The following TET2 variants were observed in gnomAD, a reference collection of about 807,000 sequenced individuals.
TET2 encodes the protein methylcytosine dioxygenase TET2.
Under a neutral mutation model 142.9 loss-of-function variants are expected in TET2, and 299 were observed. The observed-to-expected ratio is 2.09, with a 90% CI of 1.90 to 2.30. The LOEUF is 2.30. Among genes scored for constraint, TET2 ranks in the 30% most tolerant of loss-of-function variants. The pLI is 0.00. For synonymous variants in TET2, 819 were observed against 849.0 expected, an observed-to-expected ratio of 0.96 and a Z score of 0.61; for missense variants, 2,418 against 2,378.0, an observed-to-expected ratio of 1.02 and a Z score of -0.35.
intron 1 of TET2, among the ~76,000 whole-genome samples, chr4:105,166,608 CAGAAAAAAAA>C (rs1051640642): frequency 1.5e-4 from 22 of 147,300 alleles, no homozygotes; most frequent in Non-Finnish European, 3.0e-4. Context: ...TTTCTTCTTA[CAGAAAAAAAA>C]AGAAAAAAAA....
intron 1 of TET2, among the ~76,000 whole-genome samples, chr4:105,151,376 A>T (rs1216215949): frequency 6.6e-6 from 1 of 152,106 alleles, no homozygotes; most frequent in Non-Finnish European, 1.5e-5. Context: ...ATCAGCTTTG[A>T]TTTATGTTTT....
chr4:105,189,227 A>AT (rs1316905102), intron 1 of TET2, among the ~76,000 whole-genome samples: 5 of 152,032 alleles, frequency 3.3e-5, no homozygotes, highest in Admixed American at 1.3e-4. Flanking sequence ...ATCTTACCAG[A>AT]TTTTTTTGAG....
chr4:105,166,537 C>G (rs1724158149), intron 1 of TET2, among the ~76,000 whole-genome samples: 1 of 150,144 alleles, frequency 6.7e-6, no homozygotes, highest in Admixed American at 6.6e-5. Context: ...CTGGCTATGT[C>G]TATTATTGCT....
In TET2 at chr4:105,235,129, C is replaced by T. The variant is rs1728767377; in HGVS notation, c.1187C>T (p.Thr396Ile). ...ACTAAGGATTCCTTTTCTGCCACTA[C>T]CACACCACCACCACCATCACAATTG... The part of the protein sequence containing the change: ...VFTKDSFSAT[T>I]TPPPPSQLLL... Residue 396 changes from threonine to isoleucine, a missense_variant, in exon 3 of 11, where the codon ACC (threonine) becomes ATC (isoleucine). Coordinates refer to ENST00000380013, the MANE Select transcript of TET2 (RefSeq NM_001127208.3). 1.2e-6 allele frequency: 2 copies of T among 1,613,794 alleles called. No homozygotes were observed. The highest frequency in any genetic ancestry group is 2.2e-5 in the South Asian group (2 of 91,018).
In TET2 at chr4:105,235,705, CA is replaced by C; in HGVS notation, c.1765del (p.Ile589PhefsTer12). ...AAACGTAATGAGGCATCACTGCCAT[CA>C]ATTCTTCAGTATCAACCCAATCTCT... is the stretch of plus-strand genomic sequence containing the variant. ...HLKRNEASLP[S>X]ILQYQPNLSN... On this transcript the variant is annotated frameshift_variant, in exon 3 of 11. Transcript: ENST00000380013. LOFTEE classifies it high-confidence loss of function. 1 of 1,614,158 alleles carries C rather than the reference CA, an allele frequency of 6.2e-7. No homozygotes were observed. Among genetic ancestry groups the C allele is most frequent in the Non-Finnish European group, 8.5e-7 (1 of 1,180,004 alleles).
At chr4:105,169,823 T>A (rs1724358730) in intron 1 of TET2, among the ~76,000 whole-genome samples, 1 of 152,202 alleles carries the variant, frequency 6.6e-6, no homozygotes, top group African/African-American at 2.4e-5. Context: ...CCAGCACCAT[T>A]TGTTGAATAG....
At chr4:105,201,395 T>C (rs1578608980) in intron 2 of TET2, among the ~76,000 whole-genome samples, 1 of 152,364 alleles carries the variant, frequency 6.6e-6, no homozygotes, top group Admixed American at 6.5e-5. Flanking sequence ...AGTATAACTT[T>C]ATTTTCATGT....
At chr4:105,231,937 T>C (rs751606218) in intron 2 of TET2, among the ~76,000 whole-genome samples, 7 of 152,138 alleles carry the variant, frequency 4.6e-5, no homozygotes, top group African/African-American at 7.2e-5. Flanking sequence ...ATAGGTGAAT[T>C]GCATGCCTTG....
Position 105,223,165 on chromosome 4 carries a change from G to C in TET2, c.-46-10732G>C, listed in dbSNP as rs571213321. ...ATCTTCACAGATTTTTAAATATTTA[G>C]ATAGAAAGTTCTTACAGAATGAGAA... On this transcript the variant is annotated intron_variant, in intron 2 of 10. Transcript: ENST00000380013. 7.2e-5 allele frequency among the ~76,000 whole-genome samples: 11 copies of C among 152,182 alleles called. No individual in the cohort carries two copies. The South Asian group carries it at 1.7e-3, about 23-fold the overall frequency.
At chr4:105,200,882 A>G (rs567727861) in intron 2 of TET2, among the ~76,000 whole-genome samples, 1 of 152,120 alleles carries the variant, frequency 6.6e-6, no homozygotes, top group African/African-American at 2.4e-5. Context: ...GATGGTCTCT[A>G]TCTCTTGACT....
chr4:105,189,502 T>A (rs1725660580), intron 1 of TET2, among the ~76,000 whole-genome samples: 1 of 151,168 alleles, frequency 6.6e-6, no homozygotes, highest in Non-Finnish European at 1.5e-5. Flanking sequence ...AGCTTTTTAA[T>A]CTCCTCCAAT....
At chr4:105,223,084 T>C (rs1727947501) in intron 2 of TET2, among the ~76,000 whole-genome samples, 1 of 152,174 alleles carries the variant, frequency 6.6e-6, no homozygotes, top group African/African-American at 2.4e-5. Flanking sequence ...TATCTCTGTT[T>C]TGGTACCAGC....
At chr4:105,159,571 T>C (rs1338700163) in intron 1 of TET2, among the ~76,000 whole-genome samples, 1 of 152,200 alleles carries the variant, frequency 6.6e-6, no homozygotes, top group Non-Finnish European at 1.5e-5. Flanking sequence ...AATCTTTTTA[T>C]GCCCTGCAGC....
chr4:105,156,859 C>CCATAACATTCTATCCATAACATA (rs1474516784), intron 1 of TET2, among the ~76,000 whole-genome samples: 3 of 152,136 alleles, frequency 2.0e-5, no homozygotes, highest in Non-Finnish European at 4.4e-5. Flanking sequence ...AACATACTGT[C>CCATAACATTCTATCCATAACATA]CTGGTCTTAT....
chr4:105,179,778 A>G (rs1165720692), intron 1 of TET2, among the ~76,000 whole-genome samples: 1 of 152,198 alleles, frequency 6.6e-6, no homozygotes, highest in Admixed American at 6.5e-5. Context: ...TTTCAGTGGC[A>G]CATGTTTGAG....
At chr4:105,194,243 C>T (rs1047318807) in intron 2 of TET2, among the ~76,000 whole-genome samples, 1 of 152,116 alleles carries the variant, frequency 6.6e-6, no homozygotes, top group Admixed American at 6.6e-5. Flanking sequence ...AATTAACATA[C>T]ACATTTTACC....
chr4:105,264,552 C>T (rs1240133617), intron 8 of TET2, among the ~76,000 whole-genome samples: 2 of 152,016 alleles, frequency 1.3e-5, no homozygotes, highest in Non-Finnish European at 2.9e-5. Flanking sequence ...AACTTAAGTA[C>T]CCAAAATATG....
chr4:105,266,506 T>C (rs1279323022), intron 8 of TET2, among the ~76,000 whole-genome samples: 1 of 152,142 alleles, frequency 6.6e-6, no homozygotes, highest in Non-Finnish European at 1.5e-5. Flanking sequence ...ATACAATATG[T>C]AAATAAGTTC....
At chr4:105,199,164 T>G (rs1726285463) in intron 2 of TET2, among the ~76,000 whole-genome samples, 1 of 152,214 alleles carries the variant, frequency 6.6e-6, no homozygotes. Flanking sequence ...TTGGATTCAT[T>G]TATAACTTAC....
Sources: allele counts gnomAD v4.1 joint callset (sites outside exome capture counted in the v4.1 genomes callset), GRCh38; gene constraint gnomAD v4.1.1; transcripts MANE v1.5; gene names NCBI Gene and HGNC (gene_info 2026-07-23, HGNC 2026-07-21).